ADGRL2: variants seen among roughly 807,000 people sequenced by gnomAD.
The protein encoded by ADGRL2 is adhesion G protein-coupled receptor L2.
A neutral mutation model predicts 157.4 loss-of-function variants in ADGRL2; 44 were observed. That is an observed-to-expected ratio of 0.28 (90% CI 0.22 to 0.36). ADGRL2 has a LOEUF of 0.36. Ranked by LOEUF, ADGRL2 falls within the 10% of genes least tolerant of loss-of-function variation. ADGRL2 has a pLI of 1.00. For missense variants in ADGRL2, 1,510 were observed against 1,768.9 expected (o/e 0.85, Z 2.63); for synonymous variants, 585 against 624.7 (o/e 0.94, Z 0.95).
intron 2 of ADGRL2, among the ~76,000 whole-genome samples, chr1:81,468,643 G>A (rs2078109618): frequency 6.6e-6 from 1 of 152,162 alleles, no homozygotes; most frequent in South Asian, 2.1e-4. Flanking sequence ...ATGTTTAAAG[G>A]ATGATAGCAT....
chr1:81,642,666 T>A (rs1254911899), intron 3 of ADGRL2, among the ~76,000 whole-genome samples: 3 of 152,056 alleles, frequency 2.0e-5, no homozygotes, highest in African/African-American at 7.2e-5. Flanking sequence ...TGAACCAAGA[T>A]GCAAAAATCT....
intron 1 of ADGRL2, among the ~76,000 whole-genome samples, chr1:81,715,242 G>A (rs558349761): frequency 6.7e-6 from 1 of 149,768 alleles, no homozygotes; most frequent in African/African-American, 2.5e-5. Context: ...CCACTCAAAT[G>A]TACAGAAGAA....
intron 2 of ADGRL2, among the ~76,000 whole-genome samples, chr1:81,573,402 T>A (rs1033558791): frequency 6.6e-6 from 1 of 152,154 alleles, no homozygotes; most frequent in Non-Finnish European, 1.5e-5. Context: ...CCTTTCCCAC[T>A]CTGTTTCTTT....
chr1:81,467,975 C>T (rs2078095281), intron 2 of ADGRL2, among the ~76,000 whole-genome samples: 1 of 151,892 alleles, frequency 6.6e-6, no homozygotes, highest in Non-Finnish European at 1.5e-5. Context: ...TTTCTAAATA[C>T]TTTGTAGACA....
intron 2 of ADGRL2, among the ~76,000 whole-genome samples, chr1:81,890,978 C>A (rs2151423096): frequency 6.6e-6 from 1 of 152,190 alleles, no homozygotes; most frequent in East Asian, 1.9e-4. Flanking sequence ...GGGTTGGCAG[C>A]CATCTTCATT....
At chr1:81,933,143 A>G (rs1051716827) in intron 3 of ADGRL2, among the ~76,000 whole-genome samples, 1 of 152,208 alleles carries the variant, frequency 6.6e-6, no homozygotes, top group Non-Finnish European at 1.5e-5. Context: ...CAGTTATTTG[A>G]AAGTTGAAGT....
chr1:81,306,476 T>A (rs1055835700), exon 1 of ADGRL2: 6 of 152,146 alleles, frequency 3.9e-5, no homozygotes, highest in African/African-American at 7.2e-5. Flanking sequence ...TTTTTTTTTT[T>A]ATAAAGGAAC....
intron 1 of ADGRL2, among the ~76,000 whole-genome samples, chr1:81,732,134 A>T (rs2084746476): frequency 6.6e-6 from 1 of 152,206 alleles, no homozygotes; most frequent in Admixed American, 6.5e-5. Flanking sequence ...CATATTCATT[A>T]TCTTGACCTT....
At chr1:81,364,444 G>T (rs2100935859) in intron 1 of ADGRL2, among the ~76,000 whole-genome samples, 1 of 152,194 alleles carries the variant, frequency 6.6e-6, no homozygotes, top group East Asian at 1.9e-4. Context: ...CAATTCAATT[G>T]GGTAGGTACG....
intron 1 of ADGRL2, among the ~76,000 whole-genome samples, chr1:81,358,425 C>T (rs2075908754): frequency 6.6e-6 from 1 of 152,108 alleles, no homozygotes; most frequent in African/African-American, 2.4e-5. Flanking sequence ...CCAGATTTTC[C>T]AGAAGTTGAT....
chr1:81,423,378 A>C (rs2077159422), intron 1 of ADGRL2, among the ~76,000 whole-genome samples: 1 of 152,204 alleles, frequency 6.6e-6, no homozygotes, highest in Non-Finnish European at 1.5e-5. Context: ...GACACTTTCT[A>C]GAACACAGAT....
intron 2 of ADGRL2, among the ~76,000 whole-genome samples, chr1:81,478,892 C>G (rs548804693): frequency 6.6e-6 from 1 of 151,676 alleles, no homozygotes; most frequent in African/African-American, 2.4e-5. Context: ...TTACTAGATG[C>G]ATTCTGTTTC....
At position 81,539,028 on chromosome 1, in the gene ADGRL2, A is replaced by G. The variant is rs200347834; in HGVS notation, c.-247-41848A>G. Among the ~76,000 whole-genome samples the G allele has an allele frequency of 9.3e-4, 135 of 144,824 alleles. 7 individuals are homozygous for G. The highest frequency in any genetic ancestry group is 8.4e-4 in the Non-Finnish European group (55 of 65,840). On this transcript the variant is annotated intron_variant, in intron 2 of 24. Transcript: ENST00000370721. ...GTCTCAAAAAAAAAAAAAAAAAAAA[A>G]GACAACATAAAATCTTCCCTTAATA...
chr1:81,498,936 T>C (rs577025108), intron 2 of ADGRL2, among the ~76,000 whole-genome samples: 2 of 152,352 alleles, frequency 1.3e-5, no homozygotes, highest in Admixed American at 1.3e-4. Flanking sequence ...TGTGTCTCAC[T>C]GTACTGTAGT....
chr1:81,464,828 AGTTTC>A (rs1334764625), intron 2 of ADGRL2, among the ~76,000 whole-genome samples: 1 of 151,572 alleles, frequency 6.6e-6, no homozygotes, highest in East Asian at 1.9e-4. Context: ...CCTAGTAAAT[AGTTTC>A]TTTTGCAATA....
chr1:81,890,962 A>G (rs1038941884), intron 2 of ADGRL2, among the ~76,000 whole-genome samples: 13 of 152,022 alleles, frequency 8.6e-5, no homozygotes, highest in Non-Finnish European at 1.3e-4. Context: ...GTTTCTTGGT[A>G]CCTCAGGGTT....
chr1:81,661,733 T>G (rs2082654099), intron 3 of ADGRL2, among the ~76,000 whole-genome samples: 1 of 152,238 alleles, frequency 6.6e-6, no homozygotes, highest in Non-Finnish European at 1.5e-5. Context: ...CTAGTCTAAC[T>G]AATGATAGCA....
At chr1:81,595,877 G>A (rs1448203152) in intron 3 of ADGRL2, among the ~76,000 whole-genome samples, 1 of 152,194 alleles carries the variant, frequency 6.6e-6, no homozygotes, top group Non-Finnish European at 1.5e-5. Flanking sequence ...TGGAAGCTGA[G>A]AAGTCCAAGA....
At chr1:81,391,380 A>T (rs1398887026) in intron 1 of ADGRL2, among the ~76,000 whole-genome samples, 1 of 152,302 alleles carries the variant, frequency 6.6e-6, no homozygotes, top group Non-Finnish European at 1.5e-5. Context: ...AACACTGAAA[A>T]TATGAACTAG....
Sources: allele counts gnomAD v4.1 joint callset (sites outside exome capture counted in the v4.1 genomes callset), GRCh38; gene constraint gnomAD v4.1.1; transcripts MANE v1.5; gene names NCBI Gene and HGNC (gene_info 2026-07-23, HGNC 2026-07-21).